Variants in ABCC6 observed in about 807,000 individuals in gnomAD.
ABCC6 encodes the protein ATP-binding cassette sub-family C member 6.
ABCC6 carries 126 observed loss-of-function variants against 169.5 expected under a neutral mutation model. That is an observed-to-expected ratio of 0.74 (90% CI 0.64 to 0.86). ABCC6 has a LOEUF of 0.86. ABCC6 is among the 40% of genes least tolerant of loss of function. ABCC6 has a pLI of 0.00. For missense variants in ABCC6, 1,733 were observed against 1,927.2 expected (o/e 0.90, Z 1.89); for synonymous variants, 752 against 814.7 (o/e 0.92, Z 1.31).
At chr16:16,166,014 G>C in intron 22 of ABCC6, 81 bp from the exon 23 acceptor site, 1 of 1,409,596 alleles carries the variant, frequency 7.1e-7, no homozygotes, top group Non-Finnish European at 9.8e-7. Context: ...GGTCTCTCCC[G>C]CTACCCCATG....
At chr16:16,159,435 CA>C (rs1439094660) in intron 26 of ABCC6, 46 bp downstream of exon 26, 573 of 1,451,332 alleles carry the variant, frequency 3.9e-4, no homozygotes, top group Non-Finnish European at 4.8e-4. Flanking sequence ...TGCCCCCCCC[CA>C]CAATATGTCC....
intron 12 of ABCC6, among the ~76,000 whole-genome samples, chr16:16,189,750 G>A (rs1208294990): frequency 6.6e-6 from 1 of 152,112 alleles, no homozygotes; most frequent in Admixed American, 6.5e-5. Context: ...TGTGGTTTAG[G>A]AAGGTTGTTC....
At position 16,185,019 on chromosome 16, in the gene ABCC6, C is replaced by T; in HGVS notation, c.1883G>A (p.Cys628Tyr). ...GAAGGTGGCACTGTGTATGGTGATG[C>T]AATCCTTCCCGGCAGCTGCAGGGCA... ...SSSGSAAGKD[C>Y]ITIHSATFAW... Residue 628 changes from cysteine (C) to tyrosine (Y), a missense_variant, in exon 15 of 31, where the codon TGC becomes TAC. By Grantham distance (194) the Cys-to-Tyr change is radical. This residue lies in a region of ABCC6 where 1,601 missense variants were observed against 1,635.5 expected (regional missense o/e 0.98). Transcript: ENST00000205557. 1 of 1,613,656 alleles carries T rather than the reference C, an allele frequency of 6.2e-7. No homozygotes were observed. The highest frequency in any genetic ancestry group is 8.5e-7 in the Non-Finnish European group (1 of 1,179,582).
intron 15 of ABCC6, 31 bp downstream of exon 15, chr16:16,184,928 G>A (rs779250346): frequency 8.8e-6 from 14 of 1,597,404 alleles, no homozygotes; most frequent in Non-Finnish European, 1.2e-5. Flanking sequence ...CTAAAAACAT[G>A]AGGCTGGTTA....
Position 16,190,217 on chromosome 16 carries a change from A to G in ABCC6, c.1582T>C (p.Ser528Pro). The G allele has an allele frequency of 6.2e-7, 1 of 1,614,016 alleles. No individual in the cohort carries two copies. Among genetic ancestry groups the G allele is most frequent in the South Asian group, 1.1e-5 (1 of 91,062 alleles). The change falls in exon 12 of 31, where the codon TCC becomes CCC. Residue 528 changes from serine (S) to proline (P), a missense_variant. This residue lies in a region of ABCC6 where 1,601 missense variants were observed against 1,635.5 expected (regional missense o/e 0.98). Transcript: ENST00000205557. ...RGQELGALRT[S>P]GLLFSVSLVS... ...AGCGACACAGAGAAGAGGAGGCCGG[A>G]GGTCCGCAAGGCGCCCAGCTCCTGG...
intron 6 of ABCC6, among the ~76,000 whole-genome samples, 156 bp from the exon 7 acceptor site, chr16:16,209,015 T>A (rs1183262953): frequency 6.6e-6 from 1 of 152,070 alleles, no homozygotes; most frequent in Non-Finnish European, 1.5e-5. Flanking sequence ...TAACCCCACC[T>A]AATGTCTGCA....
intron 5 of ABCC6, among the ~76,000 whole-genome samples, chr16:16,213,018 G>C (rs1285737844): frequency 6.6e-6 from 1 of 151,454 alleles, no homozygotes; most frequent in African/African-American, 2.4e-5. Flanking sequence ...AAATTTTGTT[G>C]CTACTCTGGT....
chr16:16,155,068 G>C (rs1304293141), intron 27 of ABCC6, 37 bp from the exon 28 acceptor site: 2 of 1,538,774 alleles, frequency 1.3e-6, no homozygotes, highest in South Asian at 2.4e-5. Flanking sequence ...GCTCTGACCA[G>C]AGGGTTTGTG....
intron 22 of ABCC6, among the ~76,000 whole-genome samples, chr16:16,167,366 C>G (rs531698840): frequency 1.6e-4 from 25 of 152,302 alleles, no homozygotes; most frequent in Admixed American, 4.6e-4. Flanking sequence ...AAAGCGATTT[C>G]TTGTTTGGAC....
intron 17 of ABCC6, 23 bp downstream of exon 17, chr16:16,182,389 C>T (rs1282327198): frequency 6.2e-7 from 1 of 1,612,934 alleles, no homozygotes; most frequent in East Asian, 2.2e-5. Flanking sequence ...CTCCCTGTCC[C>T]AAAAAGACCC....
chr16:16,217,883 C>G (rs1247537538), intron 4 of ABCC6, among the ~76,000 whole-genome samples: 3 of 152,160 alleles, frequency 2.0e-5, no homozygotes, highest in Admixed American at 6.5e-5. Flanking sequence ...TGAGGTCAGG[C>G]ATTTGAGATG....
At chr16:16,196,874 G>A (rs989792499) in intron 10 of ABCC6, among the ~76,000 whole-genome samples, 1 of 151,966 alleles carries the variant, frequency 6.6e-6, no homozygotes, top group Admixed American at 6.6e-5. Flanking sequence ...GCTAATTTTT[G>A]TATCTTTCAG....
chr16:16,215,902 T>G (rs2048855357), intron 4 of ABCC6, among the ~76,000 whole-genome samples: 1 of 152,234 alleles, frequency 6.6e-6, no homozygotes, highest in African/African-American at 2.4e-5. Flanking sequence ...TGATCCATTC[T>G]ACTCTTGTAG....
chr16:16,209,265 G>A (rs1158393940), intron 6 of ABCC6, among the ~76,000 whole-genome samples: 1 of 152,034 alleles, frequency 6.6e-6, no homozygotes, highest in Non-Finnish European at 1.5e-5. Context: ...TGTATTTTTT[G>A]TAGAGATGGA....
intron 22 of ABCC6, among the ~76,000 whole-genome samples, chr16:16,168,121 C>T (rs1296260021): frequency 6.6e-6 from 1 of 152,232 alleles, no homozygotes; most frequent in Admixed American, 6.5e-5. Flanking sequence ...CACAGGCTCA[C>T]AGCATTTTGG....
chr16:16,200,068 A>C (rs2048187621), intron 9 of ABCC6, among the ~76,000 whole-genome samples: 1 of 151,576 alleles, frequency 6.6e-6, no homozygotes, highest in African/African-American at 2.4e-5. Flanking sequence ...ACTCTGTCTC[A>C]AAAAAATAAG....
rs1009535346 is a variant in ABCC6 at position 16,188,219 on chromosome 16, A to C, written c.1779+612T>G. ...ACATGGTGAAATCTCATCTCTACTA[A>C]AAATACAAAAAAAAAAAAAAAAATT... On this transcript the variant is annotated intron_variant, in intron 13 of 30. Transcript: ENST00000205557. Among the ~76,000 whole-genome samples the C allele has an allele frequency of 1.0e-4, 13 of 127,518 alleles. No individual in the cohort carries two copies. In the Admixed American group the frequency reaches 1.1e-3, roughly 10 times the overall value. The allele number at this position is 127,518 out of a possible 152,430, so 83.7% of individuals were successfully genotyped here.
At chr16:16,158,803 T>C (rs2046627950) in intron 26 of ABCC6, among the ~76,000 whole-genome samples, 1 of 152,228 alleles carries the variant, frequency 6.6e-6, no homozygotes, top group African/African-American at 2.4e-5. Context: ...GTTACTATAA[T>C]GTTGCTGTTT....
intron 29 of ABCC6, among the ~76,000 whole-genome samples, chr16:16,153,231 C>A (rs2046440172): frequency 6.6e-6 from 1 of 152,146 alleles, no homozygotes; most frequent in South Asian, 2.1e-4. Flanking sequence ...AGGCATATAC[C>A]TATACACCTA....
Sources: allele counts gnomAD v4.1 joint callset (sites outside exome capture counted in the v4.1 genomes callset), GRCh38; gene constraint gnomAD v4.1.1; regional missense constraint gnomAD v4.1.1; transcripts MANE v1.5; gene names NCBI Gene and HGNC (gene_info 2026-07-23, HGNC 2026-07-21).